The following FOXP1 variants were observed in gnomAD, a reference collection of about 807,000 sequenced individuals.
FOXP1 encodes forkhead box protein P1.
A neutral mutation model predicts 98.2 loss-of-function variants in FOXP1; 15 were observed. The observed-to-expected ratio is 0.15, with a 90% confidence interval of 0.10 to 0.24. The LOEUF is 0.24. Ranked by LOEUF, FOXP1 falls within the 10% of genes least tolerant of loss-of-function variation. The probability of loss-of-function intolerance (pLI) is 1.00; values close to 1 mark genes in which losing one functional copy is unlikely to be tolerated. For missense variants in FOXP1, 633 were observed against 848.5 expected, an observed-to-expected ratio of 0.75 and a Z score of 3.15; for synonymous variants, 371 against 314.5, an observed-to-expected ratio of 1.18 and a Z score of -1.90.
At chr3:71,341,133 C>T (rs2076982800) in intron 4 of FOXP1, among the ~76,000 whole-genome samples, 1 of 152,166 alleles carries the variant, frequency 6.6e-6, no homozygotes, top group Non-Finnish European at 1.5e-5. Flanking sequence ...AACCAACCAA[C>T]CAGACATCCA....
At chr3:71,286,235 T>C (rs1320204075) in intron 5 of FOXP1, among the ~76,000 whole-genome samples, 1 of 152,148 alleles carries the variant, frequency 6.6e-6, no homozygotes, top group Non-Finnish European at 1.5e-5. Context: ...GGCACATGAC[T>C]GTACTTCATT....
chr3:71,103,484 G>C (rs1442114508), intron 7 of FOXP1, among the ~76,000 whole-genome samples: 1 of 152,194 alleles, frequency 6.6e-6, no homozygotes, highest in Admixed American at 6.5e-5. Flanking sequence ...TGTGTGGTCA[G>C]CTGGCTTTCC....
Position 71,396,999 on chromosome 3 carries a change from TATATATGTGTATATATATATATATAC to T in FOXP1, c.-167-37781_-167-37756del, listed in dbSNP as rs1560424843. On this transcript the variant is annotated intron_variant, in intron 3 of 20. Coordinates refer to ENST00000649528, the MANE Select transcript of FOXP1 (RefSeq NM_001349338.3). The stretch of plus-strand genomic sequence containing the variant: ...ATATATATGTGTATATATATACACA[TATATATGTGTATATATATATATATAC>T]ATATATATGTGTATATATATATACA... 5.1e-4 allele frequency among the ~76,000 whole-genome samples: 35 copies of T among 68,262 alleles called. 3 individuals carry two copies. The highest frequency in any genetic ancestry group is 2.0e-3 in the African/African-American group (28 of 13,982). 44.8% of individuals were successfully genotyped at this position (68,262 alleles called of 152,430 possible). A position where few individuals can be genotyped will look rare whatever the true frequency, so the allele number is the denominator to read the frequency against.
intron 14 of FOXP1, among the ~76,000 whole-genome samples, chr3:70,987,673 A>T (rs1168014824): frequency 6.6e-6 from 1 of 152,166 alleles, no homozygotes; most frequent in Non-Finnish European, 1.5e-5. Context: ...ACCATTCAGA[A>T]AGATTTTCTT....
At chr3:71,184,617 A>G (rs990838367) in intron 6 of FOXP1, among the ~76,000 whole-genome samples, 1 of 152,230 alleles carries the variant, frequency 6.6e-6, no homozygotes. Context: ...TTCTTCCAAA[A>G]GAGGAACCCT....
chr3:70,997,731 A>C (rs761130578), intron 13 of FOXP1, among the ~76,000 whole-genome samples: 3 of 152,202 alleles, frequency 2.0e-5, no homozygotes, highest in Non-Finnish European at 2.9e-5. Flanking sequence ...TTTGTAGTCT[A>C]TTCTTCCTTC....
chr3:71,519,447 C>G lies in FOXP1; in HGVS notation c.-297-25892G>C, dbSNP rs2042820206. ...TCAGCCACCTCTAACCTGTCTCTTC[C>G]TATCTCAAATGCCAAAGCACAGAGC... On this transcript the variant is annotated intron_variant, in intron 2 of 20. Coordinates refer to ENST00000649528, the MANE Select transcript of FOXP1 (RefSeq NM_001349338.3). Among the ~76,000 whole-genome samples the G allele has an allele frequency of 2.0e-5, 3 of 152,074 alleles. No individual in the cohort carries two copies. In the South Asian group the frequency reaches 6.2e-4, roughly 32 times the overall value.
At chr3:71,556,075 C>T (rs918423272) in intron 2 of FOXP1, among the ~76,000 whole-genome samples, 4 of 151,958 alleles carry the variant, frequency 2.6e-5, no homozygotes, top group South Asian at 4.2e-4. Context: ...GGTAATTTTC[C>T]GCAAACACAC....
intron 7 of FOXP1, among the ~76,000 whole-genome samples, chr3:71,109,348 G>A (rs1446763308): frequency 1.3e-5 from 2 of 151,994 alleles, no homozygotes; most frequent in African/African-American, 4.8e-5. Context: ...TGTGAAACCA[G>A]AGAGCGCTGC....
At chr3:71,216,271 G>A (rs1292975040) in intron 5 of FOXP1, among the ~76,000 whole-genome samples, 1 of 152,210 alleles carries the variant, frequency 6.6e-6, no homozygotes, top group African/African-American at 2.4e-5. Flanking sequence ...CATTTCGCGT[G>A]AACTCACAAA....
chr3:71,518,750 G>A (rs2042761459), intron 2 of FOXP1, among the ~76,000 whole-genome samples: 1 of 152,170 alleles, frequency 6.6e-6, no homozygotes, highest in Non-Finnish European at 1.5e-5. Flanking sequence ...TTAAACATTT[G>A]TATGTTTATT....
intron 5 of FOXP1, among the ~76,000 whole-genome samples, chr3:71,232,876 T>TAAAAAAAAAAA (rs2066415668): frequency 1.9e-4 from 1 of 5,272 alleles, no homozygotes; most frequent in Non-Finnish European, 4.2e-4. Context: ...AAACTCTGTC[T>TAAAAAAAAAAA]CAAAAAAAAA....
chr3:71,109,348 G>C (rs1446763308), intron 7 of FOXP1, among the ~76,000 whole-genome samples: 1 of 151,994 alleles, frequency 6.6e-6, no homozygotes. Context: ...TGTGAAACCA[G>C]AGAGCGCTGC....
chr3:71,118,636 G>A (rs1361226725), intron 6 of FOXP1, among the ~76,000 whole-genome samples: 1 of 152,136 alleles, frequency 6.6e-6, no homozygotes, highest in Non-Finnish European at 1.5e-5. Context: ...CTAGTCACGG[G>A]TCAGCAAACT....
chr3:71,401,030 C>T (rs376165718), intron 3 of FOXP1, among the ~76,000 whole-genome samples: 22 of 152,110 alleles, frequency 1.4e-4, no homozygotes, highest in African/African-American at 4.1e-4. Flanking sequence ...TTGTCTAAGA[C>T]GAGTCCTTCC....
intron 5 of FOXP1, among the ~76,000 whole-genome samples, chr3:71,290,669 T>G (rs2072652592): frequency 6.6e-6 from 1 of 152,196 alleles, no homozygotes; most frequent in African/African-American, 2.4e-5. Context: ...TCTGGCCCTG[T>G]TACACTGTTA....
intron 2 of FOXP1, among the ~76,000 whole-genome samples, chr3:71,542,359 T>C (rs1232470023): frequency 6.6e-6 from 1 of 151,870 alleles, no homozygotes. Context: ...CAAACCACAA[T>C]AAAAAGAAAA....
chr3:71,439,966 A>AG, intron 3 of FOXP1, among the ~76,000 whole-genome samples: 1 of 149,494 alleles, frequency 6.7e-6, no homozygotes, highest in African/African-American at 2.5e-5. Flanking sequence ...AAAAAAAAAA[A>AG]GGAGGAAGTT....
intron 10 of FOXP1, among the ~76,000 whole-genome samples, chr3:71,045,520 G>T (rs1160976619): frequency 1.3e-5 from 2 of 152,036 alleles, no homozygotes; most frequent in African/African-American, 4.8e-5. Flanking sequence ...CATTCTGCAA[G>T]CACAAAAATG....
Sources: allele counts gnomAD v4.1 joint callset (sites outside exome capture counted in the v4.1 genomes callset), GRCh38; gene constraint gnomAD v4.1.1; transcripts MANE v1.5; gene names NCBI Gene and HGNC (gene_info 2026-07-23, HGNC 2026-07-21).